Variants in EPN3 observed in about 807,000 individuals in gnomAD.
The protein encoded by EPN3 is epsin 3.
EPN3 carries 56 observed loss-of-function variants against 55.5 expected under a neutral mutation model. That is an observed-to-expected ratio of 1.01 (90% CI 0.81 to 1.26). The LOEUF (loss-of-function observed/expected upper bound fraction) is 1.26, where lower values mean the gene tolerates loss of function less well. Among genes scored for constraint, EPN3 ranks in the 50% most tolerant of loss-of-function variants. The pLI is 0.00. For synonymous variants in EPN3, 449 were observed against 375.2 expected (o/e 1.20, Z -2.27); for missense variants, 927 against 853.4 (o/e 1.09, Z -1.07).
chr17:50,537,611 T>C, intron 2 of EPN3: 1 of 187,100 alleles, frequency 5.3e-6, no homozygotes, highest in South Asian at 1.4e-4. Flanking sequence ...AGTCCCTGAC[T>C]CTCCTGCCCC....
Position 50,538,136 on chromosome 17 carries a change from C to T in EPN3, c.620C>T (p.Ser207Leu). 1.2e-6 allele frequency: 2 copies of T among 1,613,962 alleles called. No homozygotes were observed. The change falls in exon 3 of 10, where the codon TCA becomes TTA. Residue 207 changes from serine to leucine, a missense_variant. Coordinates refer to ENST00000268933, the MANE Select transcript of EPN3 (RefSeq NM_017957.3). The stretch of plus-strand genomic sequence containing the variant: ...CTGGAGCAGGCCCGGCCTCAGACGT[C>T]AGGGGAAGAGGAACTGCAGCTGCAG... The part of the protein sequence containing the change: ...SDLEQARPQT[S>L]GEEELQLQLA...
Position 50,532,766 on chromosome 17 carries a change from ACGCACGCGGGAAGAG to A in EPN3, c.-354_-340del, listed in dbSNP as rs1367523205. The A allele has an allele frequency of 1.5e-6, 1 of 677,160 alleles. No homozygotes were observed. The highest frequency in any genetic ancestry group is 2.2e-6 in the Non-Finnish European group (1 of 463,988). 41.9% of individuals were successfully genotyped at this position (677,160 alleles called of 1,614,324 possible). A position where few individuals can be genotyped will look rare whatever the true frequency, so the allele number is the denominator to read the frequency against. ...CTGCCTGGCGCTGGCTAGGAGGCAA[ACGCACGCGGGAAGAG>A]CTGCTACCCATTCCAGGGACCCTGC... On this transcript the variant is annotated 5_prime_UTR_variant, in exon 1 of 10. Transcript: ENST00000268933.
At position 50,540,337 on chromosome 17, in the gene EPN3, G is replaced by C. The variant is rs1472959997; in HGVS notation, c.979+3G>C. 1 of 1,607,400 alleles carries C rather than the reference G, an allele frequency of 6.2e-7. No homozygotes were observed. Among genetic ancestry groups the C allele is most frequent in the African/African-American group, 1.3e-5 (1 of 74,832 alleles). On this transcript the variant is annotated splice_donor_region_variant and intron_variant, in intron 6 of 9. Coordinates refer to ENST00000268933, the MANE Select transcript of EPN3 (RefSeq NM_017957.3). Reference sequence around the variant, plus strand: ...TGCTGACCCATGGGACATCCCAGGTGGGCATGCAGGGCTGCAAGAGACTTC... The same window carrying C: ...TGCTGACCCATGGGACATCCCAGGTCGGCATGCAGGGCTGCAAGAGACTTC...
Position 50,541,884 on chromosome 17 carries a change from C to T in EPN3, c.1626C>T (p.Gly542=), listed in dbSNP as rs370763989. The change falls in exon 10 of 10, where the codon GGC becomes GGT. Residue 542 remains glycine, a synonymous_variant. Coordinates refer to ENST00000268933, the MANE Select transcript of EPN3 (RefSeq NM_017957.3). The part of the protein sequence containing the change: ...APSPTNPFGA[G]EPGRPTLNQM... ...CCCCCACCAACCCGTTCGGCGCGGG[C>T]GAGCCGGGCAGGCCGACGCTAAACC... 3.1e-6 allele frequency: 5 copies of T among 1,607,874 alleles called. No individual in the cohort carries two copies. Among genetic ancestry groups the T allele is most frequent in the Non-Finnish European group, 4.2e-6 (5 of 1,179,930 alleles).
intron 9 of EPN3, 40 bp downstream of exon 9, chr17:50,541,734 T>C (rs753237368): frequency 6.2e-7 from 1 of 1,609,760 alleles, no homozygotes; most frequent in South Asian, 1.1e-5. Context: ...GGGCTCCTGC[T>C]TTCAGAGCCT....
intron 6 of EPN3, 67 bp downstream of exon 6, chr17:50,540,401 C>T: frequency 4.1e-6 from 6 of 1,455,098 alleles, no homozygotes; most frequent in Non-Finnish European, 5.6e-6. Flanking sequence ...CAGCCACTTG[C>T]TGGGCCAAGC....
intron 1 of EPN3, among the ~76,000 whole-genome samples, chr17:50,535,032 T>C (rs1200060954): frequency 6.6e-6 from 1 of 152,162 alleles, no homozygotes. Context: ...AATTCCTCTT[T>C]TGGTTTCTGA....
At position 50,538,945 on chromosome 17, in the gene EPN3, G is replaced by T. The variant is rs147014457; in HGVS notation, c.743G>T (p.Ser248Ile). 4.0e-4 allele frequency: 637 copies of T among 1,607,174 alleles called. 3 individuals carry two copies. In the African/African-American group the frequency reaches 8.0e-3, roughly 20 times the overall value. Residue 248 changes from serine to isoleucine, a missense_variant, in exon 4 of 10, where the codon AGC becomes ATC. By Grantham distance (142) the Ser-to-Ile change is moderately radical. Transcript: ENST00000268933. ...DLQLQLALRL[S>I]RQEHEKEVRS... Reference sequence around the variant, plus strand: ...CAGCTGCAGCTGGCTCTGCGCCTGAGCCGGCAGGAGCACGAGAAGGTAGTG... The same window carrying T: ...CAGCTGCAGCTGGCTCTGCGCCTGATCCGGCAGGAGCACGAGAAGGTAGTG...
At chr17:50,536,311 C>T in intron 1 of EPN3, 110 bp from the exon 2 acceptor site, 1 of 825,128 alleles carries the variant, frequency 1.2e-6, no homozygotes, top group Non-Finnish European at 1.8e-6. Flanking sequence ...CCGCTGAAGG[C>T]TGTCCCTGGA....
chr17:50,536,853 C>T lies in EPN3; in HGVS notation c.297C>T (p.Asn99=). 6.2e-7 allele frequency: 1 copy of T among 1,614,132 alleles called. No homozygotes were observed. The highest frequency in any genetic ancestry group is 1.1e-5 in the South Asian group (1 of 91,080). Residue 99 remains asparagine (N), a synonymous_variant, in exon 2 of 10, where the codon AAC becomes AAT. Coordinates refer to ENST00000268933, the MANE Select transcript of EPN3 (RefSeq NM_017957.3). ...SERVAHQCRE[N]LYTIQTLKDF... Reference sequence around the variant, plus strand: ...GGGTGGCCCACCAGTGCCGCGAGAACCTCTACACCATCCAGACACTCAAGG... The same window carrying T: ...GGGTGGCCCACCAGTGCCGCGAGAATCTCTACACCATCCAGACACTCAAGG...
rs558524308 is a variant in EPN3 at position 50,538,911 on chromosome 17, G to A, written c.709G>A (p.Glu237Lys). 2.0e-5 allele frequency: 32 copies of A among 1,608,648 alleles called. No individual in the cohort carries two copies. The East Asian group carries it at 4.2e-4, about 21-fold the overall frequency. Residue 237 changes from glutamate (E) to lysine (K), a missense_variant, in exon 4 of 10, where the codon GAG becomes AAG. By Grantham distance (56) the Glu-to-Lys change is moderately conservative (BLOSUM62 1). Coordinates refer to ENST00000268933, the MANE Select transcript of EPN3 (RefSeq NM_017957.3). ...TGTCCCCCCAGCCTCCCACAGGGAC[G>A]AGGACCTGCAGCTGCAGCTGGCTCT... is the stretch of plus-strand genomic sequence containing the variant. ...KPVPPASHRD[E>K]DLQLQLALRL...
At chr17:50,539,410 A>G in intron 5 of EPN3, 95 bp downstream of exon 5, 1 of 1,556,306 alleles carries the variant, frequency 6.4e-7, no homozygotes, top group Admixed American at 1.8e-5. Context: ...GGCATATAGT[A>G]AGCACTGATG....
chr17:50,538,658 C>CA (rs944721935), intron 3 of EPN3: 26 of 473,974 alleles, frequency 5.5e-5, no homozygotes, highest in Non-Finnish European at 6.8e-5. Flanking sequence ...GAGGAACTCT[C>CA]AGAGGATTCA....
Position 50,540,840 on chromosome 17 carries a change from G to A in EPN3, c.1027G>A (p.Ala343Thr), listed in dbSNP as rs887036314. The A allele has an allele frequency of 6.2e-7, 1 of 1,613,868 alleles. No individual in the cohort carries two copies. Among genetic ancestry groups the A allele is most frequent in the African/African-American group, 1.3e-5 (1 of 74,926 alleles). ...EASGSSWGPS[A>T]DPWSPIPSGT... ...CAGTGGATCCTCCTGGGGGCCTTCT[G>A]CAGACCCCTGGTCTCCGATCCCCTC... Residue 343 changes from alanine to threonine, a missense_variant, in exon 7 of 10, where the codon GCA becomes ACA. Physicochemically the swap from Ala to Thr is moderately conservative, Grantham distance 58. Coordinates refer to ENST00000268933, the MANE Select transcript of EPN3 (RefSeq NM_017957.3).
At position 50,542,043 on chromosome 17, in the gene EPN3, G is replaced by A. The variant is rs1374364327; in HGVS notation, c.1785G>A (p.Ser595=). The stretch of plus-strand genomic sequence containing the variant: ...CAGCTGGCTTGACCCTCCCCGCCTC[G>A]GTTAGCGTCTTCCCGCAGGCCGGAG... The part of the protein sequence containing the change: ...SVPAGLTLPA[S]VSVFPQAGAF... The change falls in exon 10 of 10, where the codon TCG becomes TCA. Residue 595 remains serine, a synonymous_variant. Transcript: ENST00000268933. 1 of 1,595,228 alleles carries A rather than the reference G, an allele frequency of 6.3e-7. No individual in the cohort carries two copies. Among genetic ancestry groups the A allele is most frequent in the South Asian group, 1.1e-5 (1 of 90,522 alleles).
chr17:50,542,261 C>G lies in EPN3; in HGVS notation c.*104C>G. ...GCGCCGGTGCTAGTGGAACGCCGAGCCAGTGGCGGCTGGTATCCCGCGGCG... is the reference window on the plus strand; with the variant it reads ...GCGCCGGTGCTAGTGGAACGCCGAGGCAGTGGCGGCTGGTATCCCGCGGCG... On this transcript the variant is annotated 3_prime_UTR_variant, in exon 10 of 10. Transcript: ENST00000268933. 2.4e-6 allele frequency: 3 copies of G among 1,245,184 alleles called. No homozygotes were observed. Among genetic ancestry groups the G allele is most frequent in the Non-Finnish European group, 2.1e-6 (2 of 958,330 alleles). The allele number at this position is 1,245,184 out of a possible 1,614,324, so 77.1% of individuals were successfully genotyped here. A position where few individuals can be genotyped will look rare whatever the true frequency, so the allele number is the denominator to read the frequency against.
chr17:50,534,285 C>A, intron 1 of EPN3: 1 of 444,320 alleles, frequency 2.3e-6, no homozygotes, highest in Non-Finnish European at 3.0e-6. Flanking sequence ...AGAATGCCCA[C>A]CTTCTGTGAG....
chr17:50,539,594 T>A (rs947277863), intron 5 of EPN3, among the ~76,000 whole-genome samples: 1 of 152,216 alleles, frequency 6.6e-6, no homozygotes, highest in African/African-American at 2.4e-5. Flanking sequence ...GTCACTGTCA[T>A]GGCCTCAGTT....
rs768232853 is a variant in EPN3 at position 50,532,967 on chromosome 17, G to A, written c.-155G>A. ...GGCTACTCGGGCTGGGGCTGGGGCCGAGGGAGCCCGCACTGGAGGTAAGCT... is the reference window on the plus strand; with the variant it reads ...GGCTACTCGGGCTGGGGCTGGGGCCAAGGGAGCCCGCACTGGAGGTAAGCT... On this transcript the variant is annotated 5_prime_UTR_variant, in exon 1 of 10. Coordinates refer to ENST00000268933, the MANE Select transcript of EPN3 (RefSeq NM_017957.3). 1.2e-4 allele frequency: 160 copies of A among 1,285,036 alleles called. No individual in the cohort carries two copies. The Middle Eastern group carries it at 2.2e-3, about 18-fold the overall frequency. 79.6% of individuals were successfully genotyped at this position (1,285,036 alleles called of 1,614,324 possible). A position where few individuals can be genotyped will look rare whatever the true frequency, so the allele number is the denominator to read the frequency against.
Sources: allele counts gnomAD v4.1 joint callset (sites outside exome capture counted in the v4.1 genomes callset), GRCh38; gene constraint gnomAD v4.1.1; transcripts MANE v1.5; gene names NCBI Gene and HGNC (gene_info 2026-07-23, HGNC 2026-07-21).